TRDN: variants seen among roughly 807,000 people sequenced by gnomAD.
TRDN encodes the protein triadin, also known as triadin in skeletal muscle.
A neutral mutation model predicts 149.7 loss-of-function variants in TRDN; 161 were observed. That is an observed-to-expected ratio of 1.08 (90% confidence interval 0.95 to 1.23). The LOEUF (loss-of-function observed/expected upper bound fraction) is 1.23, where lower values mean the gene tolerates loss of function less well. TRDN is among the 50% of genes most tolerant of loss of function. The probability of loss-of-function intolerance (pLI) is 0.00; values close to 1 mark genes in which losing one functional copy is unlikely to be tolerated. For synonymous variants in TRDN, 294 were observed against 250.5 expected, an observed-to-expected ratio of 1.17 and a Z score of -1.64; for missense variants, 896 against 823.5, an observed-to-expected ratio of 1.09 and a Z score of -1.08.
At position 123,515,537 on chromosome 6, in the gene TRDN, G is replaced by A. The variant is rs185798286; in HGVS notation, c.550+604C>T. Among the ~76,000 whole-genome samples, 7 of 151,268 alleles carry A rather than the reference G, an allele frequency of 4.6e-5. No homozygotes were observed. The East Asian group carries it at 1.4e-3, about 29-fold the overall frequency. ...AAAAGTCAGATTATAGGACATACTA[G>A]ATTTTGTGTAAAAATAGGGAGGAAA... On this transcript the variant is annotated intron_variant, in intron 6 of 40. Coordinates refer to ENST00000334268, the MANE Select transcript of TRDN (RefSeq NM_006073.4).
chr6:123,543,025 C>T (rs954420639), intron 4 of TRDN, among the ~76,000 whole-genome samples: 1 of 152,024 alleles, frequency 6.6e-6, no homozygotes, highest in African/African-American at 2.4e-5. Context: ...GCTTTCAGTT[C>T]AATTTATTAA....
At chr6:123,392,381 T>C (rs933569130) in intron 13 of TRDN, among the ~76,000 whole-genome samples, 1 of 150,918 alleles carries the variant, frequency 6.6e-6, no homozygotes, top group African/African-American at 2.4e-5. Flanking sequence ...AAGTCGTAGT[T>C]CCACATCTAC....
At chr6:123,625,406 T>C (rs1221912631) in intron 1 of TRDN, among the ~76,000 whole-genome samples, 1 of 152,164 alleles carries the variant, frequency 6.6e-6, no homozygotes, top group Non-Finnish European at 1.5e-5. Flanking sequence ...TGTATTCTAG[T>C]CTATTAAATG....
chr6:123,575,846 G>A (rs890444238), intron 1 of TRDN, among the ~76,000 whole-genome samples: 2 of 152,096 alleles, frequency 1.3e-5, no homozygotes, highest in Non-Finnish European at 2.9e-5. Context: ...ACTGCCAAGT[G>A]CACTTCCATA....
chr6:123,268,408 A>G lies in TRDN; in HGVS notation c.1739-657T>C, dbSNP rs75330057. 8.3e-3 allele frequency among the ~76,000 whole-genome samples: 1,266 copies of G among 152,170 alleles called. 27 individuals are homozygous for G. Among genetic ancestry groups the G allele is most frequent in the East Asian group, 0.08 (413 of 5,182 alleles). ...TAGTTCTCTGAAAAATATTTGAATT[A>G]AAAATTTTAAAGAGATCATTCTCTT... On this transcript the variant is annotated intron_variant, in intron 31 of 40. Transcript: ENST00000334268.
intron 35 of TRDN, among the ~76,000 whole-genome samples, chr6:123,258,349 T>A (rs1776636606): frequency 6.6e-6 from 1 of 152,032 alleles, no homozygotes; most frequent in South Asian, 2.1e-4. Context: ...CATGAAGAGG[T>A]GTTGAATTTT....
intron 39 of TRDN, among the ~76,000 whole-genome samples, chr6:123,223,856 A>C (rs1293011923): frequency 6.6e-6 from 1 of 151,706 alleles, no homozygotes. Flanking sequence ...AAATAAATGC[A>C]TCTGACAATT....
chr6:123,518,181 G>GA (rs1208989338), intron 5 of TRDN, among the ~76,000 whole-genome samples: 1 of 151,914 alleles, frequency 6.6e-6, no homozygotes, highest in Non-Finnish European at 1.5e-5. Context: ...AGAAAAAGGA[G>GA]AAAAAAACTC....
At chr6:123,316,642 T>C in intron 23 of TRDN, 147 bp from the exon 24 acceptor site, 1 of 543,132 alleles carries the variant, frequency 1.8e-6, no homozygotes, top group Non-Finnish European at 3.2e-6. Flanking sequence ...TATACTGTTA[T>C]CAAAATATTA....
chr6:123,342,320 G>A (rs529429853), intron 21 of TRDN, among the ~76,000 whole-genome samples: 1 of 151,914 alleles, frequency 6.6e-6, no homozygotes, highest in African/African-American at 2.4e-5. Context: ...GGATATCTTA[G>A]GGACAGGGTT....
intron 23 of TRDN, among the ~76,000 whole-genome samples, chr6:123,321,980 C>T (rs1779259250): frequency 6.6e-6 from 1 of 152,062 alleles, no homozygotes; most frequent in Admixed American, 6.6e-5. Flanking sequence ...GAACCAACAC[C>T]CAGCATCTGC....
At chr6:123,530,700 TAA>T in intron 4 of TRDN, 135 bp from the exon 5 acceptor site, 1 of 464,882 alleles carries the variant, frequency 2.2e-6, no homozygotes, top group Non-Finnish European at 3.3e-6. Flanking sequence ...TATTGGAGTC[TAA>T]AAGAGTCTTT....
At chr6:123,474,591 G>C (rs183749704) in intron 9 of TRDN, among the ~76,000 whole-genome samples, 156 of 152,222 alleles carry the variant, frequency 1.0e-3, no homozygotes, top group African/African-American at 3.6e-3. Context: ...GACATCTAAA[G>C]AACTCTCCAC....
chr6:123,585,506 C>T (rs1034399865), intron 1 of TRDN, among the ~76,000 whole-genome samples: 10 of 152,110 alleles, frequency 6.6e-5, no homozygotes, highest in Admixed American at 2.0e-4. Flanking sequence ...CGAAGCTCGG[C>T]ATCCATGATG....
chr6:123,253,028 A>G (rs1257801020), intron 37 of TRDN, among the ~76,000 whole-genome samples: 5 of 152,110 alleles, frequency 3.3e-5, no homozygotes, highest in African/African-American at 1.2e-4. Flanking sequence ...AAAATATATC[A>G]TTTAGAATTA....
At chr6:123,361,850 G>T (rs1780921850) in intron 20 of TRDN, among the ~76,000 whole-genome samples, 1 of 151,850 alleles carries the variant, frequency 6.6e-6, no homozygotes, top group African/African-American at 2.4e-5. Context: ...AAATGTAAAT[G>T]TTACCTTATC....
chr6:123,529,758 T>G (rs368108697), intron 5 of TRDN, among the ~76,000 whole-genome samples: 1 of 152,048 alleles, frequency 6.6e-6, no homozygotes, highest in African/African-American at 2.4e-5. Context: ...ATGAGATCTT[T>G]ATTTTTGCCC....
intron 24 of TRDN, among the ~76,000 whole-genome samples, chr6:123,305,695 T>A (rs1304696948): frequency 1.3e-5 from 2 of 152,160 alleles, no homozygotes; most frequent in African/African-American, 4.8e-5. Flanking sequence ...ATGAGACTCT[T>A]ACACCCCTCA....
intron 10 of TRDN, 100 bp downstream of exon 10, chr6:123,464,806 T>C: frequency 2.0e-6 from 3 of 1,503,624 alleles, no homozygotes; most frequent in Non-Finnish European, 2.7e-6. Context: ...AAGAAAATAT[T>C]GGATTTTGCT....
Sources: gnomAD v4.1 joint callset for allele counts (sites outside exome capture counted in the v4.1 genomes callset) on GRCh38, gnomAD v4.1.1 for gene constraint, MANE v1.5 for transcripts, NCBI Gene and HGNC (gene_info 2026-07-23, HGNC 2026-07-21) for gene names.